The following NAV2 variants were observed in gnomAD, a reference collection of about 807,000 sequenced individuals.
NAV2 encodes the protein helicase, APC down-regulated 1.
A neutral mutation model predicts 223.2 loss-of-function variants in NAV2; 54 were observed. That is an observed-to-expected ratio of 0.24 (90% CI 0.19 to 0.30). NAV2 has a LOEUF of 0.30. Ranked by LOEUF, NAV2 falls within the 10% of genes least tolerant of loss-of-function variation. The pLI is 1.00. For missense variants in NAV2, 2,806 were observed against 3,147.5 expected, an observed-to-expected ratio of 0.89 and a Z score of 2.60; for synonymous variants, 1,279 against 1,239.3, an observed-to-expected ratio of 1.03 and a Z score of -0.67.
chr11:19,586,102 CT>C (rs2045889664), intron 1 of NAV2, among the ~76,000 whole-genome samples: 1 of 152,088 alleles, frequency 6.6e-6, no homozygotes, highest in African/African-American at 2.4e-5. Flanking sequence ...TTTCTCTAAA[CT>C]TCTCTTCTCA....
intron 1 of NAV2, among the ~76,000 whole-genome samples, chr11:19,624,154 C>A (rs142511314): frequency 8.5e-4 from 130 of 152,210 alleles, no homozygotes; most frequent in Middle Eastern, 3.4e-3. Flanking sequence ...GGCACCTGGC[C>A]GTGTGAGGTG....
intron 19 of NAV2, chr11:20,056,381 G>T: frequency 1.6e-6 from 1 of 644,490 alleles, no homozygotes; most frequent in Non-Finnish European, 2.8e-6. Flanking sequence ...GGGCAGCCAC[G>T]CCTTTCTGCT....
At chr11:20,087,448 G>A (rs2060528926) in intron 26 of NAV2, among the ~76,000 whole-genome samples, 1 of 152,190 alleles carries the variant, frequency 6.6e-6, no homozygotes, top group Non-Finnish European at 1.5e-5. Context: ...ATCTAGATGT[G>A]AGAGGGAGTT....
intron 1 of NAV2, among the ~76,000 whole-genome samples, chr11:19,414,064 T>C (rs1850259687): frequency 6.6e-6 from 1 of 152,248 alleles, no homozygotes; most frequent in Non-Finnish European, 1.5e-5. Context: ...AATTCACACA[T>C]AACAAGATTA....
At chr11:19,846,603 G>A (rs955259275) in intron 3 of NAV2, among the ~76,000 whole-genome samples, 4 of 151,268 alleles carry the variant, frequency 2.6e-5, no homozygotes, top group African/African-American at 4.8e-5. Context: ...GCACTAATAC[G>A]CATCTACACA....
At chr11:19,519,322 C>G (rs1202289377) in intron 1 of NAV2, among the ~76,000 whole-genome samples, 1 of 152,098 alleles carries the variant, frequency 6.6e-6, no homozygotes, top group African/African-American at 2.4e-5. Context: ...CTTCATGCAG[C>G]ATGGGCTCTC....
chr11:19,886,975 T>G (rs1189675420), intron 5 of NAV2, among the ~76,000 whole-genome samples: 3 of 152,146 alleles, frequency 2.0e-5, no homozygotes, highest in Non-Finnish European at 4.4e-5. Context: ...CTTCCTTGCC[T>G]TCTCTACACC....
At chr11:19,425,598 T>C (rs1167067405) in intron 1 of NAV2, among the ~76,000 whole-genome samples, 1 of 152,166 alleles carries the variant, frequency 6.6e-6, no homozygotes, top group Admixed American at 6.5e-5. Context: ...TCCTGCCCCA[T>C]TATGTCACAG....
At chr11:19,626,383 C>T (rs1454642291) in intron 1 of NAV2, among the ~76,000 whole-genome samples, 1 of 152,170 alleles carries the variant, frequency 6.6e-6, no homozygotes, top group Non-Finnish European at 1.5e-5. Flanking sequence ...TTCCACTGAC[C>T]TATATGTCTG....
intron 19 of NAV2, among the ~76,000 whole-genome samples, chr11:20,060,116 C>T (rs532539255): frequency 6.6e-5 from 10 of 152,330 alleles, no homozygotes; most frequent in African/African-American, 2.2e-4. Flanking sequence ...TGGCCCCATG[C>T]TTGTACCGAG....
At chr11:19,361,634 A>T (rs1385673265) in intron 1 of NAV2, among the ~76,000 whole-genome samples, 3 of 152,120 alleles carry the variant, frequency 2.0e-5, no homozygotes, top group Non-Finnish European at 4.4e-5. Flanking sequence ...GCCATCTGAG[A>T]TCAATACAGC....
intron 1 of NAV2, chr11:19,778,093 C>CA (rs1031323831): frequency 3.7e-5 from 15 of 407,916 alleles, no homozygotes; most frequent in Non-Finnish European, 7.0e-5. Context: ...CCTCCGTTTT[C>CA]AAAAATAACC....
At position 19,714,019 on chromosome 11, in the gene NAV2, C is replaced by A. The variant is rs1263219350; in HGVS notation, c.267+57C>A. The A allele has an allele frequency of 3.1e-6, 5 of 1,590,608 alleles. No homozygotes were observed. The East Asian group carries it at 1.1e-4, about 36-fold the overall frequency. On this transcript the variant is annotated intron_variant, in intron 1 of 37. Transcript: ENST00000349880. ...TGGAAGGATGGATGAATAGTTCTTT[C>A]GGGATGGTGTGGGAGAAAGGGCTGG...
chr11:19,708,267 C>G (rs954218717), upstream of NAV2, among the ~76,000 whole-genome samples: 3 of 152,150 alleles, frequency 2.0e-5, no homozygotes, highest in Non-Finnish European at 4.4e-5. Context: ...AAAAGGTGAG[C>G]CTTTGTGCCA....
At chr11:19,598,881 C>T (rs534780339) in intron 1 of NAV2, among the ~76,000 whole-genome samples, 1 of 128,544 alleles carries the variant, frequency 7.8e-6, no homozygotes, top group Admixed American at 6.7e-5. Context: ...TCTTTTATGG[C>T]CTGTGTGTGT....
chr11:19,954,583 A>G (rs573403061), intron 10 of NAV2, among the ~76,000 whole-genome samples: 18 of 152,340 alleles, frequency 1.2e-4, no homozygotes, highest in African/African-American at 4.1e-4. Flanking sequence ...ATCTAATACA[A>G]TGTAAATGCT....
Position 20,080,165 on chromosome 11 carries a change from A to G in NAV2, c.5281A>G (p.Ser1761Gly). 1 of 1,614,064 alleles carries G rather than the reference A, an allele frequency of 6.2e-7. No homozygotes were observed. Among genetic ancestry groups the G allele is most frequent in the Non-Finnish European group, 8.5e-7 (1 of 1,179,950 alleles). Residue 1761 changes from serine (S) to glycine (G), a missense_variant, in exon 25 of 38, where the codon AGC becomes GGC. Coordinates refer to ENST00000349880, the MANE Select transcript of NAV2 (RefSeq NM_145117.5). The part of the protein sequence containing the change: ...NSATSHSSVG[S>G]NIESDSKKKK... ...TGCCACCAGCCACTCCAGCGTGGGC[A>G]GCAACATAGAGAGTGACTCAAAGAA...
At chr11:19,922,564 C>G (rs534142588) in intron 6 of NAV2, among the ~76,000 whole-genome samples, 1 of 152,204 alleles carries the variant, frequency 6.6e-6, no homozygotes, top group African/African-American at 2.4e-5. Flanking sequence ...GAGTCCCTCC[C>G]CAGAGATACT....
At chr11:19,605,908 CGATGAGGA>C (rs2046464984) in intron 1 of NAV2, among the ~76,000 whole-genome samples, 1 of 152,006 alleles carries the variant, frequency 6.6e-6, no homozygotes, top group African/African-American at 2.4e-5. Flanking sequence ...CGCTGCTCAT[CGATGAGGA>C]GATGAGGAGA....
Sources: gnomAD v4.1 joint callset for allele counts (sites outside exome capture counted in the v4.1 genomes callset) on GRCh38, gnomAD v4.1.1 for gene constraint, MANE v1.5 for transcripts, NCBI Gene and HGNC (gene_info 2026-07-23, HGNC 2026-07-21) for gene names.